Variants in TRDN observed in about 807,000 individuals in gnomAD.
TRDN encodes triadin in skeletal muscle.
TRDN carries 161 observed loss-of-function variants against 149.7 expected under a neutral mutation model. That is an observed-to-expected ratio of 1.08 (90% CI 0.95 to 1.23). The LOEUF (loss-of-function observed/expected upper bound fraction) is 1.23. Among genes scored for constraint, TRDN ranks in the 50% most tolerant of loss-of-function variants. TRDN has a pLI of 0.00. For missense variants in TRDN, 896 were observed against 823.5 expected (o/e 1.09, Z -1.08); for synonymous variants, 294 against 250.5 (o/e 1.17, Z -1.64).
intron 1 of TRDN, among the ~76,000 whole-genome samples, chr6:123,612,838 C>T (rs1048313946): frequency 6.6e-6 from 1 of 152,106 alleles, no homozygotes; most frequent in East Asian, 1.9e-4. Context: ...TAAGCATATT[C>T]CTGCCTAGGG....
chr6:123,400,437 G>A (rs565344181), intron 12 of TRDN, among the ~76,000 whole-genome samples: 51 of 152,074 alleles, frequency 3.4e-4, no homozygotes, highest in African/African-American at 1.1e-3. Context: ...ACCTCAGATC[G>A]TCAGGCATTA....
intron 1 of TRDN, among the ~76,000 whole-genome samples, chr6:123,620,662 T>A (rs1785337728): frequency 6.6e-6 from 1 of 152,126 alleles, no homozygotes; most frequent in Non-Finnish European, 1.5e-5. Flanking sequence ...AAAACCTCCT[T>A]CCGTTAAATT....
intron 12 of TRDN, among the ~76,000 whole-genome samples, chr6:123,410,636 T>C (rs1283134704): frequency 6.6e-6 from 1 of 152,134 alleles, no homozygotes; most frequent in African/African-American, 2.4e-5. Flanking sequence ...GTGGTATTAA[T>C]TAAATGTACA....
intron 2 of TRDN, among the ~76,000 whole-genome samples, chr6:123,555,782 G>A (rs975663118): frequency 4.1e-4 from 62 of 152,026 alleles, no homozygotes; most frequent in African/African-American, 1.5e-3. Flanking sequence ...AATAATTGGG[G>A]AAGAACTGAC....
intron 24 of TRDN, among the ~76,000 whole-genome samples, chr6:123,279,482 T>C (rs117536486): frequency 3.9e-5 from 6 of 152,222 alleles, no homozygotes; most frequent in Non-Finnish European, 8.8e-5. Context: ...TTTAATTTTC[T>C]CTCTTTTTTG....
intron 1 of TRDN, among the ~76,000 whole-genome samples, chr6:123,571,467 G>C (rs1782574021): frequency 6.6e-6 from 1 of 151,162 alleles, no homozygotes; most frequent in South Asian, 2.1e-4. Context: ...ATCTAGTGAG[G>C]TCATCTAATG....
At chr6:123,433,326 T>C (rs531319941) in intron 12 of TRDN, among the ~76,000 whole-genome samples, 152 of 151,838 alleles carry the variant, frequency 1.0e-3, no homozygotes, top group African/African-American at 3.5e-3. Flanking sequence ...TATTCTATCA[T>C]TGCCTTAAGT....
rs773700571 is a variant in TRDN, at chr6:123,375,629, G to C, written c.1249C>G (p.Pro417Ala). ...AKSPKKEHSV[P>A]SDKQVKAKTE... ...CTTGCTTTTACTTGTTTGTCACTTGGAACTGTTAATGACAAGAAATAATAA... is the reference window on the plus strand; with the variant it reads ...CTTGCTTTTACTTGTTTGTCACTTGCAACTGTTAATGACAAGAAATAATAA... Residue 417 changes from proline to alanine, a missense_variant and splice_region_variant, in exon 19 of 41, where the codon CCA (proline) becomes GCA (alanine). By Grantham distance (27) the Pro-to-Ala change is conservative. Coordinates refer to ENST00000334268, the MANE Select transcript of TRDN (RefSeq NM_006073.4). 2.0e-6 allele frequency: 3 copies of C among 1,527,198 alleles called. No individual in the cohort carries two copies. The highest frequency in any genetic ancestry group is 2.8e-5 in the African/African-American group (2 of 71,170). 94.6% of individuals were successfully genotyped at this position (1,527,198 alleles called of 1,614,324 possible).
intron 1 of TRDN, 64 bp downstream of exon 1, chr6:123,636,690 A>G (rs1027992080): frequency 2.6e-6 from 4 of 1,552,776 alleles, no homozygotes; most frequent in Non-Finnish European, 3.6e-6. Context: ...TCGACAGTTA[A>G]TGTGGCTGTC....
chr6:123,529,275 C>A, intron 5 of TRDN: 2 of 1,548,794 alleles, frequency 1.3e-6, no homozygotes, highest in East Asian at 2.4e-5. Flanking sequence ...AATCCGTACT[C>A]AAGAGCTGTG....
chr6:123,289,423 C>T (rs1008856543), intron 24 of TRDN, among the ~76,000 whole-genome samples: 2 of 151,810 alleles, frequency 1.3e-5, no homozygotes, highest in African/African-American at 4.8e-5. Flanking sequence ...GTTCTCATGG[C>T]GATCACAGTC....
intron 8 of TRDN, chr6:123,498,474 T>C (rs1490644110): frequency 2.1e-6 from 1 of 466,598 alleles, no homozygotes; most frequent in African/African-American, 2.0e-5. Context: ...CCAAAACTCA[T>C]AAAGTTCCAA....
At chr6:123,410,896 C>T (rs1773407739) in intron 12 of TRDN, among the ~76,000 whole-genome samples, 1 of 151,806 alleles carries the variant, frequency 6.6e-6, no homozygotes, top group South Asian at 2.1e-4. Flanking sequence ...TATTGATTGC[C>T]AACATACATC....
At chr6:123,498,074 G>C (rs1778526258) in intron 8 of TRDN, 1 of 155,606 alleles carries the variant, frequency 6.4e-6, no homozygotes, top group Non-Finnish European at 1.4e-5. Flanking sequence ...CCAACTCAAA[G>C]CTCAATTGAT....
chr6:123,455,639 C>T (rs1177476278), intron 10 of TRDN, among the ~76,000 whole-genome samples: 3 of 151,998 alleles, frequency 2.0e-5, no homozygotes, highest in African/African-American at 4.8e-5. Flanking sequence ...ATTACAAATG[C>T]TTTTGTTTGT....
At chr6:123,516,263 G>A in intron 5 of TRDN, 57 bp from the exon 6 acceptor site, 1 of 1,386,588 alleles carries the variant, frequency 7.2e-7, no homozygotes, top group Non-Finnish European at 9.4e-7. Flanking sequence ...ATGAGGAGAT[G>A]TTTGCACGGC....
chr6:123,349,915 A>G, intron 21 of TRDN: 2 of 984,538 alleles, frequency 2.0e-6, no homozygotes, highest in Non-Finnish European at 2.4e-6. Flanking sequence ...AACGTAAAAC[A>G]CTATTACAAT....
chr6:123,230,469 T>C lies in TRDN; in HGVS notation c.1976-6338A>G, dbSNP rs190959340. 3.1e-3 allele frequency among the ~76,000 whole-genome samples: 467 copies of C among 151,822 alleles called. 5 individuals carry two copies. Among genetic ancestry groups the C allele is most frequent in the African/African-American group, 0.011 (446 of 41,426 alleles). On this transcript the variant is annotated intron_variant, in intron 38 of 40. Transcript: ENST00000334268. ...AGTTAGTGGGTGCAGCACACCAACA[T>C]GGCACATGTTTACATATGTAACAAA... is the stretch of plus-strand genomic sequence containing the variant.
chr6:123,235,087 A>G (rs1031017278), intron 38 of TRDN, among the ~76,000 whole-genome samples: 4 of 152,184 alleles, frequency 2.6e-5, no homozygotes, highest in Non-Finnish European at 5.9e-5. Flanking sequence ...ATAACCAATT[A>G]GATGAACCCT....
Sources: allele counts gnomAD v4.1 joint callset (sites outside exome capture counted in the v4.1 genomes callset), GRCh38; gene constraint gnomAD v4.1.1; transcripts MANE v1.5; gene names NCBI Gene and HGNC (gene_info 2026-07-23, HGNC 2026-07-21).